The following ZNF175 variants were observed in gnomAD, a reference collection of about 807,000 sequenced individuals.
ZNF175 encodes zinc finger protein OTK18.
In ZNF175, 8 loss-of-function variants were observed where a neutral mutation model predicts 14.0. The observed-to-expected ratio is 0.57, with a 90% CI of 0.34 to 1.03. The LOEUF (loss-of-function observed/expected upper bound fraction) is 1.03, where lower values mean the gene tolerates loss of function less well. Among genes scored for constraint, ZNF175 ranks in the 50% least tolerant of loss-of-function variants. ZNF175 has a pLI of 0.03. For synonymous variants in ZNF175, 255 were observed against 296.8 expected, an observed-to-expected ratio of 0.86 and a Z score of 1.45; for missense variants, 764 against 849.5, an observed-to-expected ratio of 0.90 and a Z score of 1.25.
chr19:51,573,460 A>G (rs755220226), intron 2 of ZNF175, 59 bp downstream of exon 2: 2 of 1,570,532 alleles, frequency 1.3e-6, no homozygotes, highest in Non-Finnish European at 1.7e-6. Flanking sequence ...CACAGGATGC[A>G]GCAGGTCTGG....
rs1405189077 is a variant in ZNF175 at position 51,590,577 on chromosome 19, G to C, written c.*2110G>C. 3 of 152,262 alleles carry C rather than the reference G, an allele frequency of 2.0e-5. No homozygotes were observed. The highest frequency in any genetic ancestry group is 7.2e-5 in the African/African-American group (3 of 41,436). 9.4% of individuals were successfully genotyped at this position (152,262 alleles called of 1,614,324 possible). On this transcript the variant is annotated 3_prime_UTR_variant, in exon 5 of 5. Coordinates refer to ENST00000262259, the MANE Select transcript of ZNF175 (RefSeq NM_007147.4). ...ACACAGCTGGTCAGGAACCAGCACA[G>C]ACCTCAGGCTGTGTCTAAAACAAGG...
Position 51,587,493 on chromosome 19 carries a change from G to A in ZNF175, c.1162G>A (p.Glu388Lys). ...LFRHQRTHSR[E>K]KLYECSECGK... ...CAGACATCAGAGAACTCACAGTAGAGAAAAACTCTATGAATGCAGTGAATG... is the reference window on the plus strand; with the variant it reads ...CAGACATCAGAGAACTCACAGTAGAAAAAAACTCTATGAATGCAGTGAATG... Residue 388 changes from glutamate (E) to lysine (K), a missense_variant, in exon 5 of 5, where the codon GAA becomes AAA. Glu to Lys is a moderately conservative substitution (Grantham distance 56). Transcript: ENST00000262259. 2.5e-6 allele frequency: 4 copies of A among 1,614,192 alleles called. No individual in the cohort carries two copies. The highest frequency in any genetic ancestry group is 3.4e-6 in the Non-Finnish European group (4 of 1,180,026).
At position 51,587,520 on chromosome 19, in the gene ZNF175, G is replaced by A. The variant is rs763888853; in HGVS notation, c.1189G>A (p.Gly397Ser). Reference protein sequence around the residue: ...REKLYECSECGKGFSQNSTLI... With the variant: ...REKLYECSECSKGFSQNSTLI... ...AAAACTCTATGAATGCAGTGAATGT[G>A]GCAAAGGCTTCTCCCAAAACTCAAC... Residue 397 changes from glycine (G) to serine (S), a missense_variant, in exon 5 of 5, where the codon GGC (glycine) becomes AGC (serine). By Grantham distance (56) the Gly-to-Ser change is moderately conservative (BLOSUM62 0). Transcript: ENST00000262259. 2.5e-6 allele frequency: 4 copies of A among 1,614,152 alleles called. No homozygotes were observed. The highest frequency in any genetic ancestry group is 3.4e-6 in the Non-Finnish European group (4 of 1,180,016).
chr19:51,579,713 G>A (rs1422460927), intron 2 of ZNF175, among the ~76,000 whole-genome samples: 1 of 152,046 alleles, frequency 6.6e-6, no homozygotes, highest in Non-Finnish European at 1.5e-5. Context: ...TCTACTAAAG[G>A]CGAGCATGTT....
chr19:51,572,853 G>A (rs2122555992), intron 1 of ZNF175, among the ~76,000 whole-genome samples: 1 of 152,262 alleles, frequency 6.6e-6, no homozygotes, highest in East Asian at 1.9e-4. Flanking sequence ...GACTTGACAA[G>A]CTTCATCTTG....
intron 2 of ZNF175, 127 bp from the exon 3 acceptor site, chr19:51,581,264 G>A (rs1160433669): frequency 2.4e-6 from 3 of 1,262,650 alleles, no homozygotes; most frequent in Non-Finnish European, 3.4e-6. Context: ...TGTGAAATAG[G>A]TGTTTGGTGG....
At chr19:51,572,667 C>A (rs559765766) in intron 1 of ZNF175, among the ~76,000 whole-genome samples, 1 of 152,260 alleles carries the variant, frequency 6.6e-6, no homozygotes, top group Non-Finnish European at 1.5e-5. Flanking sequence ...GGGGCTGATT[C>A]CCTGTTTTTC....
At position 51,587,817 on chromosome 19, in the gene ZNF175, A is replaced by G. The variant is rs755600845; in HGVS notation, c.1486A>G (p.Ile496Val). The G allele has an allele frequency of 1.2e-6, 2 of 1,614,224 alleles. No individual in the cohort carries two copies. Among genetic ancestry groups the G allele is most frequent in the Non-Finnish European group, 1.7e-6 (2 of 1,180,042 alleles). Residue 496 changes from isoleucine to valine, a missense_variant, in exon 5 of 5, where the codon ATT (isoleucine) becomes GTT (valine). Coordinates refer to ENST00000262259, the MANE Select transcript of ZNF175 (RefSeq NM_007147.4). ...SKSQLDIHHR[I>V]HTGEKPYECS... ...GTCACAGCTTGATATACATCATCGA[A>G]TTCATACAGGGGAGAAACCTTATGA...
chr19:51,591,617 C>T lies in ZNF175; in HGVS notation c.*3150C>T, dbSNP rs1158986125. On this transcript the variant is annotated 3_prime_UTR_variant, in exon 5 of 5. Transcript: ENST00000262259. ...GGAAATAATCTAACCTCATAAACCC[C>T]ATTTTAGAGATGAGGAAACAGGCTT... The T allele has an allele frequency of 1.3e-5, 2 of 152,160 alleles. No individual in the cohort carries two copies. The highest frequency in any genetic ancestry group is 3.8e-4 in the East Asian group (2 of 5,198). 9.4% of individuals were successfully genotyped at this position (152,160 alleles called of 1,614,324 possible). A position where few individuals can be genotyped will look rare whatever the true frequency, so the allele number is the denominator to read the frequency against.
At chr19:51,579,375 C>T (rs4802813) in intron 2 of ZNF175, among the ~76,000 whole-genome samples, 57,673 of 151,840 alleles carry the variant, frequency 0.38, 11,607 homozygotes, top group Middle Eastern at 0.56. Flanking sequence ...GAGCCATGCT[C>T]GTGCCACTGC....
chr19:51,586,903 C>G lies in ZNF175; in HGVS notation c.572C>G (p.Ser191Ter). 6.2e-7 allele frequency: 1 copy of G among 1,614,180 alleles called. No individual in the cohort carries two copies. Among genetic ancestry groups the G allele is most frequent in the South Asian group, 1.1e-5 (1 of 91,082 alleles). The change falls in exon 5 of 5, where the codon TCA becomes TGA. Residue 191 changes from serine (S) to a stop codon, truncating the protein, a stop_gained. Transcript: ENST00000262259. LOFTEE classifies it low-confidence loss of function (END_TRUNC). ...MIRTRPHLAS[S>*]QKQPQKCCLF... is the part of the protein sequence containing the mutation. ...CGCACGAGGCCCCACCTTGCTTCTT[C>G]ACAGAAACAACCTCAGAAATGTTGC...
rs1457969277 is a variant in ZNF175 at position 51,587,997 on chromosome 19, G to A, written c.1666G>A (p.Glu556Lys). The change falls in exon 5 of 5, where the codon GAG becomes AAG. Residue 556 changes from glutamate to lysine, a missense_variant. Coordinates refer to ENST00000262259, the MANE Select transcript of ZNF175 (RefSeq NM_007147.4). ...LSMHQRIHTG[E>K]KPYKCSECGK... ...CATGCATCAGAGAATTCACACCGGA[G>A]AGAAGCCTTACAAATGCAGTGAATG... is the stretch of plus-strand genomic sequence containing the variant. The A allele has an allele frequency of 6.2e-7, 1 of 1,614,094 alleles. No homozygotes were observed. Among genetic ancestry groups the A allele is most frequent in the Non-Finnish European group, 8.5e-7 (1 of 1,180,036 alleles).
chr19:51,572,573 G>A (rs963390389), intron 1 of ZNF175, among the ~76,000 whole-genome samples: 2 of 152,222 alleles, frequency 1.3e-5, no homozygotes, highest in Non-Finnish European at 2.9e-5. Flanking sequence ...GCAACAGAAA[G>A]AGGAAATGGT....
Position 51,575,758 on chromosome 19 carries a change from G to A in ZNF175, c.72+2357G>A, listed in dbSNP as rs562660916. Among the ~76,000 whole-genome samples, 4 of 152,162 alleles carry A rather than the reference G, an allele frequency of 2.6e-5. No homozygotes were observed. The South Asian group carries it at 8.3e-4, about 32-fold the overall frequency. Reference sequence around the variant, plus strand: ...TGACATGCTTATATTGCTGCCTCTTGGATTGTTAATTAACACGTTAATTAA... The same window carrying A: ...TGACATGCTTATATTGCTGCCTCTTAGATTGTTAATTAACACGTTAATTAA... On this transcript the variant is annotated intron_variant, in intron 2 of 4. Transcript: ENST00000262259.
In ZNF175 at chr19:51,588,504, A is replaced by T; in HGVS notation, c.*37A>T. The T allele has an allele frequency of 6.7e-7, 1 of 1,499,994 alleles. No individual in the cohort carries two copies. The highest frequency in any genetic ancestry group is 2.3e-5 in the East Asian group (1 of 43,826). 92.9% of individuals were successfully genotyped at this position (1,499,994 alleles called of 1,614,324 possible). On this transcript the variant is annotated 3_prime_UTR_variant, in exon 5 of 5. Transcript: ENST00000262259. ...ATCAGCATATTCATAAATGAAATAT[A>T]CTCCGAGTTTCTTGAAGAAGAGAAA...
At chr19:51,574,943 G>T (rs1165573382) in intron 2 of ZNF175, among the ~76,000 whole-genome samples, 1 of 152,026 alleles carries the variant, frequency 6.6e-6, no homozygotes, top group Non-Finnish European at 1.5e-5. Flanking sequence ...TCATGTCAGA[G>T]TATATCCCAG....
chr19:51,572,978 C>T lies in ZNF175; in HGVS notation c.-180-172C>T, dbSNP rs75540873. Among the ~76,000 whole-genome samples, 403 of 152,240 alleles carry T rather than the reference C, an allele frequency of 2.6e-3. 16 individuals carry two copies. In the East Asian group the frequency reaches 0.046, roughly 17 times the overall value. Reference sequence around the variant, plus strand: ...ATGTGGCAAAGCTGCAATGAATTCACCATTTAGTCCAGACTCAGTCTTTAT... The same window carrying T: ...ATGTGGCAAAGCTGCAATGAATTCATCATTTAGTCCAGACTCAGTCTTTAT... On this transcript the variant is annotated intron_variant, in intron 1 of 4. Coordinates refer to ENST00000262259, the MANE Select transcript of ZNF175 (RefSeq NM_007147.4).
Position 51,591,327 on chromosome 19 carries a change from G to A in ZNF175, c.*2860G>A, listed in dbSNP as rs1444404574. The A allele has an allele frequency of 6.6e-6, 1 of 152,350 alleles. No homozygotes were observed. Among genetic ancestry groups the A allele is most frequent in the Non-Finnish European group, 1.5e-5 (1 of 68,136 alleles). 9.4% of individuals were successfully genotyped at this position (152,350 alleles called of 1,614,324 possible). A position where few individuals can be genotyped will look rare whatever the true frequency, so the allele number is the denominator to read the frequency against. ...TGTACTCAATGCCTGTGGGATAATA[G>A]ACGGAGGAATCTGGAGTTTGGTTGG... On this transcript the variant is annotated 3_prime_UTR_variant, in exon 5 of 5. Transcript: ENST00000262259.
rs1211445859 is a variant in ZNF175, at chr19:51,577,084, T to TG, written c.72+3683_72+3684insG. ...ACAAAAGACCTGAGAGGTTTACATA[T>TG]ATGAGCATGACATGAAAGTGAAATG... On this transcript the variant is annotated intron_variant, in intron 2 of 4. Coordinates refer to ENST00000262259, the MANE Select transcript of ZNF175 (RefSeq NM_007147.4). Among the ~76,000 whole-genome samples, 3 of 152,188 alleles carry TG rather than the reference T, an allele frequency of 2.0e-5. No homozygotes were observed. In the East Asian group the frequency reaches 5.8e-4, roughly 29 times the overall value.
Sources: gnomAD v4.1 joint callset for allele counts (sites outside exome capture counted in the v4.1 genomes callset) on GRCh38, gnomAD v4.1.1 for gene constraint, MANE v1.5 for transcripts, NCBI Gene and HGNC (gene_info 2026-07-23, HGNC 2026-07-21) for gene names.